The following APOO variants were observed in gnomAD, a reference collection of about 807,000 sequenced individuals.
APOO encodes apolipoprotein O.
In APOO, 11 loss-of-function variants were observed where a neutral mutation model predicts 23.1. The ratio of observed to expected loss-of-function variants is 0.48; its 90% CI spans 0.30 to 0.79. The LOEUF (loss-of-function observed/expected upper bound fraction) is 0.79. Ranked by LOEUF, APOO falls within the 30% of genes least tolerant of loss-of-function variation. The pLI, the probability that APOO is intolerant of heterozygous loss-of-function variation, is 0.07. For synonymous variants in APOO, 59 were observed against 54.8 expected, an observed-to-expected ratio of 1.08 and a Z score of -0.34; for missense variants, 160 against 142.7, an observed-to-expected ratio of 1.12 and a Z score of -0.62.
chrX:23,904,043 A>G (rs1927244083), intron 1 of APOO, among the ~76,000 whole-genome samples: 1 of 111,772 alleles, frequency 8.9e-6, no homozygotes, highest in Non-Finnish European at 1.9e-5. Context: ...CAGTAAACCT[A>G]AAGTATAAGG....
intron 7 of APOO, among the ~76,000 whole-genome samples, chrX:23,846,310 CA>C (rs1227084225): frequency 1.2e-3 from 42 of 33,919 alleles, no homozygotes; most frequent in African/African-American, 1.3e-3. Flanking sequence ...GACTCCATCT[CA>C]AAAAAAAAAA....
At chrX:23,894,989 A>G (rs150806025) in intron 1 of APOO, among the ~76,000 whole-genome samples, 6 of 108,812 alleles carry the variant, frequency 5.5e-5, no homozygotes, top group African/African-American at 1.7e-4. Flanking sequence ...TCTACTAAAA[A>G]TACAATAATT....
At chrX:23,838,855 A>G (rs1276155933) in intron 8 of APOO, among the ~76,000 whole-genome samples, 1 of 112,517 alleles carries the variant, frequency 8.9e-6, no homozygotes, top group Non-Finnish European at 1.9e-5. Flanking sequence ...TATTTCAGCA[A>G]GCTGAACTCT....
chrX:23,905,063 C>CT (rs1246270286), intron 1 of APOO, among the ~76,000 whole-genome samples: 1 of 110,181 alleles, frequency 9.1e-6, no homozygotes, highest in Non-Finnish European at 1.9e-5. Context: ...TTGTTGTGAT[C>CT]TTTTCTACCC....
At chrX:23,861,415 G>A (rs958799801) in intron 5 of APOO, among the ~76,000 whole-genome samples, 12 of 109,753 alleles carry the variant, frequency 1.1e-4, no homozygotes, top group Non-Finnish European at 3.8e-5. Context: ...ACCAGAAGCC[G>A]AGGAGATGCT....
chrX:23,876,404 G>A (rs1419742038), intron 3 of APOO, among the ~76,000 whole-genome samples: 1 of 93,476 alleles, frequency 1.1e-5, no homozygotes. Flanking sequence ...GCAACATGGT[G>A]AAACCTTGTC....
chrX:23,846,310 C>CAAAA (rs1227084225), intron 7 of APOO, among the ~76,000 whole-genome samples: 2 of 33,918 alleles, frequency 5.9e-5, no homozygotes, highest in African/African-American at 2.5e-4. Context: ...GACTCCATCT[C>CAAAA]AAAAAAAAAA....
chrX:23,900,347 C>G (rs971273037), intron 1 of APOO, among the ~76,000 whole-genome samples: 3 of 111,449 alleles, frequency 2.7e-5, no homozygotes, highest in Non-Finnish European at 5.6e-5. Flanking sequence ...ACTATCCCCA[C>G]AGGATCATGA....
chrX:23,880,989 A>G, intron 1 of APOO, 37 bp from the exon 2 acceptor site: 1 of 997,263 alleles, frequency 1.0e-6, no homozygotes, highest in Non-Finnish European at 1.4e-6. Flanking sequence ...TCTCTATGTT[A>G]CAGACCGAAT....
chrX:23,866,072 G>A (rs945452332), intron 5 of APOO, among the ~76,000 whole-genome samples: 1 of 110,636 alleles, frequency 9.0e-6, no homozygotes, highest in Admixed American at 9.7e-5. Context: ...CGGCACTGTA[G>A]GAACGTACCC....
chrX:23,852,792 G>A (rs1270355913), intron 7 of APOO, among the ~76,000 whole-genome samples: 1 of 110,478 alleles, frequency 9.1e-6, no homozygotes, highest in Non-Finnish European at 1.9e-5. Flanking sequence ...TTTTGTGTGT[G>A]CCTTTCTTCT....
At chrX:23,856,431 T>C (rs985223066) in intron 6 of APOO, 49 bp from the exon 7 acceptor site, 8 of 969,776 alleles carry the variant, frequency 8.2e-6, no homozygotes, top group Non-Finnish European at 1.0e-5. Context: ...GCAATCCCTA[T>C]TATTGGGAAT....
At chrX:23,847,651 A>C (rs977959532) in intron 7 of APOO, among the ~76,000 whole-genome samples, 5 of 107,644 alleles carry the variant, frequency 4.6e-5, no homozygotes, top group Non-Finnish European at 7.7e-5. Flanking sequence ...AAAGAAAAGA[A>C]ACAGGGTCTC....
At chrX:23,892,314 C>T (rs766829395) in intron 1 of APOO, among the ~76,000 whole-genome samples, 62 of 100,358 alleles carry the variant, frequency 6.2e-4, no homozygotes, top group African/African-American at 2.0e-3. Context: ...TGCAGTGGCG[C>T]GATCTCCACT....
At chrX:23,862,040 G>A (rs912614013) in intron 5 of APOO, among the ~76,000 whole-genome samples, 1 of 110,183 alleles carries the variant, frequency 9.1e-6, no homozygotes, top group Non-Finnish European at 1.9e-5. Context: ...CTGACCTCAG[G>A]TGATCCGCCT....
intron 7 of APOO, among the ~76,000 whole-genome samples, chrX:23,848,011 G>A (rs1326147531): frequency 3.7e-5 from 4 of 108,688 alleles, no homozygotes; most frequent in Non-Finnish European, 5.7e-5. Flanking sequence ...CGAGTAGCTG[G>A]AACTACAGGC....
At chrX:23,902,322 G>A (rs960899776) in intron 1 of APOO, among the ~76,000 whole-genome samples, 3 of 111,116 alleles carry the variant, frequency 2.7e-5, no homozygotes, top group Non-Finnish European at 3.8e-5. Context: ...GTTCCTGGAC[G>A]CCAACTAAAA....
intron 5 of APOO, among the ~76,000 whole-genome samples, chrX:23,867,821 C>T (rs1319015212): frequency 2.7e-5 from 3 of 111,276 alleles, no homozygotes; most frequent in African/African-American, 9.8e-5. Context: ...GGATTACAGG[C>T]GTGAGCCACT....
At chrX:23,860,819 G>GC (rs1252306088) in intron 5 of APOO, among the ~76,000 whole-genome samples, 15 of 98,023 alleles carry the variant, frequency 1.5e-4, no homozygotes, top group South Asian at 5.9e-4. Flanking sequence ...AGTACGCCCA[G>GC]CCCCCCATCT....
Sources: allele counts gnomAD v4.1 joint callset (sites outside exome capture counted in the v4.1 genomes callset), GRCh38; gene constraint gnomAD v4.1.1; transcripts MANE v1.5; gene names NCBI Gene and HGNC (gene_info 2026-07-23, HGNC 2026-07-21).